Variants in RBAK observed in about 807,000 individuals in gnomAD.
The protein encoded by RBAK is RB associated KRAB zinc finger.
A neutral mutation model predicts 65.8 loss-of-function variants in RBAK; 39 were observed. That is an observed-to-expected ratio of 0.59 (90% confidence interval 0.46 to 0.77). RBAK has a LOEUF of 0.77. Ranked by LOEUF, RBAK falls within the 30% of genes least tolerant of loss-of-function variation. RBAK has a pLI of 0.00. For missense variants in RBAK, 884 were observed against 855.1 expected (o/e 1.03, Z -0.42); for synonymous variants, 343 against 289.7 (o/e 1.18, Z -1.87).
At chr7:5,057,453 G>T (rs776012384) in intron 3 of RBAK, 32 bp downstream of exon 3, 1 of 1,614,018 alleles carries the variant, frequency 6.2e-7, no homozygotes, top group African/African-American at 1.3e-5. Context: ...AATGCTCTCA[G>T]TTGAATGGGG....
chr7:5,048,242 G>C lies in RBAK; in HGVS notation c.15+151G>C. 5.2e-6 allele frequency: 5 copies of C among 958,046 alleles called. No homozygotes were observed. Among genetic ancestry groups the C allele is most frequent in the Non-Finnish European group, 7.5e-6 (5 of 670,346 alleles). The allele number at this position is 958,046 out of a possible 1,614,324, so 59.3% of individuals were successfully genotyped here. ...GGCTGGAGTGCAGTGGCATGATCTC[G>C]CTTCACTGCAACCTCCACCTCCTGG... is the stretch of plus-strand genomic sequence containing the variant. On this transcript the variant is annotated intron_variant, in intron 2 of 4. Transcript: ENST00000396912. The surrounding 1 kb of genome is among the most constrained non-coding windows in gnomAD (Gnocchi z 4.4).
At chr7:5,047,190 A>G (rs1212689819) in intron 1 of RBAK, among the ~76,000 whole-genome samples, 4 of 152,210 alleles carry the variant, frequency 2.6e-5, no homozygotes, top group Non-Finnish European at 5.9e-5. Flanking sequence ...CCTTGAGACC[A>G]GGAGTTAGAG....
intron 4 of RBAK, among the ~76,000 whole-genome samples, 166 bp downstream of exon 4, chr7:5,057,945 T>G (rs1213379839): frequency 6.6e-6 from 1 of 152,228 alleles, no homozygotes; most frequent in Non-Finnish European, 1.5e-5. Context: ...ATTTTACATT[T>G]GATTTACATT....
chr7:5,053,413 C>T (rs936095063), intron 2 of RBAK, among the ~76,000 whole-genome samples: 2 of 151,956 alleles, frequency 1.3e-5, no homozygotes, highest in African/African-American at 4.8e-5. Flanking sequence ...ATGTTGTAAA[C>T]TTTTTATCAC....
chr7:5,057,026 C>T lies in RBAK; in HGVS notation c.16-269C>T, dbSNP rs572743999. 16 of 164,970 alleles carry T rather than the reference C, an allele frequency of 9.7e-5. No individual in the cohort carries two copies. The East Asian group carries it at 2.4e-3, about 25-fold the overall frequency. 10.2% of individuals were successfully genotyped at this position (164,970 alleles called of 1,614,324 possible). A position where few individuals can be genotyped will look rare whatever the true frequency, so the allele number is the denominator to read the frequency against. On this transcript the variant is annotated intron_variant, in intron 2 of 4. Transcript: ENST00000396912. ...AGCTAGTTCACTTGCAAAATAGGAG[C>T]TCAGTTGTGTTTTGGGTTTTTATTT...
chr7:5,067,260 G>A lies in RBAK; in HGVS notation c.*1659G>A, dbSNP rs146920324. On this transcript the variant is annotated 3_prime_UTR_variant, in exon 5 of 5. Coordinates refer to ENST00000396912, the MANE Select transcript of RBAK (RefSeq NM_021163.4). ...AGAAAAGAAGTAAAACTTTAAAAAC[G>A]AAAAAGAATATAAATCTCTATTTGC... 16 of 152,166 alleles carry A rather than the reference G, an allele frequency of 1.1e-4. No homozygotes were observed. In the South Asian group the frequency reaches 2.1e-3, roughly 20 times the overall value. 9.4% of individuals were successfully genotyped at this position (152,166 alleles called of 1,614,324 possible).
intron 2 of RBAK, among the ~76,000 whole-genome samples, chr7:5,056,388 G>A (rs1201968651): frequency 6.6e-6 from 1 of 151,838 alleles, no homozygotes; most frequent in Admixed American, 6.6e-5. Flanking sequence ...AAAGTGCTAG[G>A]ATTATAGGCA....
chr7:5,068,353 C>G lies in RBAK; in HGVS notation c.*2752C>G, dbSNP rs1291899535. The G allele has an allele frequency of 6.6e-6, 1 of 152,096 alleles. No individual in the cohort carries two copies. Among genetic ancestry groups the G allele is most frequent in the Non-Finnish European group, 1.5e-5 (1 of 68,018 alleles). 9.4% of individuals were successfully genotyped at this position (152,096 alleles called of 1,614,324 possible). A position where few individuals can be genotyped will look rare whatever the true frequency, so the allele number is the denominator to read the frequency against. On this transcript the variant is annotated 3_prime_UTR_variant, in exon 5 of 5. Transcript: ENST00000396912. ...CACTCATAGTTTTCTGGTCCCTGAT[C>G]TCGAATATGTAAAGAGCACCTACAA...
chr7:5,049,859 A>G (rs1176970978), intron 2 of RBAK, among the ~76,000 whole-genome samples: 1 of 151,960 alleles, frequency 6.6e-6, no homozygotes, highest in African/African-American at 2.4e-5. Flanking sequence ...GCATAGCTAC[A>G]GGCGCAAGCT....
Position 5,064,246 on chromosome 7 carries a change from A to C in RBAK, c.790A>C (p.Ser264Arg), listed in dbSNP as rs778793746. 1.2e-6 allele frequency: 2 copies of C among 1,614,180 alleles called. No homozygotes were observed. Among genetic ancestry groups the C allele is most frequent in the Non-Finnish European group, 1.7e-6 (2 of 1,180,014 alleles). ...SQMEMKPFECSECGKSFCKKS... is the reference protein window; with the variant it reads ...SQMEMKPFECRECGKSFCKKS... ...AATGGAAATGAAGCCCTTTGAATGC[A>C]GTGAATGTGGAAAATCCTTCTGTAA... The change falls in exon 5 of 5, where the codon AGT (serine) becomes CGT (arginine). Residue 264 changes from serine (S) to arginine (R), a missense_variant. Physicochemically the swap from Ser to Arg is moderately radical, Grantham distance 110. Transcript: ENST00000396912. The surrounding 1 kb of genome is among the most constrained non-coding windows in gnomAD (Gnocchi z 6.3).
intron 1 of RBAK, among the ~76,000 whole-genome samples, chr7:5,046,680 A>G (rs554121122): frequency 7.2e-5 from 11 of 152,280 alleles, no homozygotes; most frequent in African/African-American, 2.4e-4. Flanking sequence ...TCCGTGCTCC[A>G]GATTTCGACC....
At chr7:5,061,790 T>G (rs1187126544) in intron 4 of RBAK, among the ~76,000 whole-genome samples, 2 of 151,462 alleles carry the variant, frequency 1.3e-5, no homozygotes, top group Admixed American at 6.6e-5. Context: ...CCCAGCTACT[T>G]GGGAGGCTGA....
chr7:5,049,766 C>G (rs1180071697), intron 2 of RBAK, among the ~76,000 whole-genome samples: 1 of 152,058 alleles, frequency 6.6e-6, no homozygotes, highest in Non-Finnish European at 1.5e-5. Context: ...CTGTGTCACC[C>G]AGGCTGGAGT....
chr7:5,064,376 A>C lies in RBAK; in HGVS notation c.920A>C (p.His307Pro), dbSNP rs770663497. The change falls in exon 5 of 5, where the codon CAT becomes CCT. Residue 307 changes from histidine (H) to proline (P), a missense_variant. Physicochemically the swap from His to Pro is moderately conservative, Grantham distance 77. Transcript: ENST00000396912. This position sits in a 1 kb window ranked among gnomAD's most constrained non-coding sequence, Gnocchi z 6.3. Reference sequence around the variant, plus strand: ...AGCCAAAAGGGAACCCTCACTGTACATCGGAGATCACACTTAGAGGAGAAG... The same window carrying C: ...AGCCAAAAGGGAACCCTCACTGTACCTCGGAGATCACACTTAGAGGAGAAG... ...SFSQKGTLTV[H>P]RRSHLEEKPY... is the part of the protein sequence containing the mutation. 2 of 1,613,956 alleles carry C rather than the reference A, an allele frequency of 1.2e-6. No homozygotes were observed. The highest frequency in any genetic ancestry group is 3.3e-5 in the Admixed American group (2 of 59,986).
chr7:5,069,438 C>T lies in RBAK; in HGVS notation c.*3837C>T, dbSNP rs1779302475. The T allele has an allele frequency of 6.6e-6, 1 of 152,198 alleles. No individual in the cohort carries two copies. Among genetic ancestry groups the T allele is most frequent in the African/African-American group, 2.4e-5 (1 of 41,442 alleles). 9.4% of individuals were successfully genotyped at this position (152,198 alleles called of 1,614,324 possible). On this transcript the variant is annotated 3_prime_UTR_variant, in exon 5 of 5. Transcript: ENST00000396912. ...TTTTGCATATATAAATAGGTCTGAG[C>T]TGCCTCTTCAATAAAGAAGCTAATG...
intron 4 of RBAK, among the ~76,000 whole-genome samples, chr7:5,063,417 CT>C (rs1779126051): frequency 6.6e-6 from 1 of 151,482 alleles, no homozygotes; most frequent in African/African-American, 2.4e-5. Flanking sequence ...ACAAAGTTAC[CT>C]GTATTCAATA....
At chr7:5,062,609 G>A (rs570817252) in intron 4 of RBAK, among the ~76,000 whole-genome samples, 9 of 152,292 alleles carry the variant, frequency 5.9e-5, no homozygotes, top group East Asian at 3.9e-4. Context: ...ACAGGGTTTC[G>A]AGAGCAACCG....
intron 2 of RBAK, among the ~76,000 whole-genome samples, chr7:5,050,996 T>C (rs1335328171): frequency 6.6e-6 from 1 of 152,242 alleles, no homozygotes; most frequent in Non-Finnish European, 1.5e-5. Context: ...GTTACCATTA[T>C]GAGCTCGTGG....
chr7:5,058,897 C>T (rs1321424772), intron 4 of RBAK, among the ~76,000 whole-genome samples: 2 of 152,162 alleles, frequency 1.3e-5, no homozygotes, highest in Non-Finnish European at 2.9e-5. Context: ...TGTATTTTTG[C>T]AGCTTGCCTC....
Sources: allele counts gnomAD v4.1 joint callset (sites outside exome capture counted in the v4.1 genomes callset), GRCh38; gene constraint gnomAD v4.1.1; non-coding constraint Gnocchi (gnomAD v3.1); transcripts MANE v1.5; gene names NCBI Gene and HGNC (gene_info 2026-07-23, HGNC 2026-07-21).